The following MPPED1 variants were observed in gnomAD, a reference collection of about 807,000 sequenced individuals.
MPPED1 encodes the protein metallophosphoesterase domain containing 1.
In MPPED1, 16 loss-of-function variants were observed where a neutral mutation model predicts 36.2. The observed-to-expected ratio is 0.44, with a 90% CI of 0.30 to 0.67. The LOEUF (loss-of-function observed/expected upper bound fraction) is 0.67. Among genes scored for constraint, MPPED1 ranks in the 30% least tolerant of loss-of-function variants. The probability of loss-of-function intolerance (pLI) is 0.10; values close to 1 mark genes in which losing one functional copy is unlikely to be tolerated. For missense variants in MPPED1, 307 were observed against 453.4 expected, an observed-to-expected ratio of 0.68 and a Z score of 2.93; for synonymous variants, 199 against 191.3, an observed-to-expected ratio of 1.04 and a Z score of -0.33.
chr22:43,475,520 TGTGGTG>T (rs1195403215), intron 4 of MPPED1, among the ~76,000 whole-genome samples: 9 of 1,306 alleles, frequency 6.9e-3, no homozygotes, highest in Admixed American at 0.016. Flanking sequence ...TGATGATGGT[TGTGGTG>T]GTGGTGGTGG....
At chr22:43,483,918 C>T (rs1008389223) in intron 4 of MPPED1, among the ~76,000 whole-genome samples, 3 of 152,216 alleles carry the variant, frequency 2.0e-5, no homozygotes, top group Admixed American at 6.5e-5. Flanking sequence ...TCCTGCTGCC[C>T]GTGGCCAGTG....
intron 1 of MPPED1, among the ~76,000 whole-genome samples, chr22:43,421,664 A>G (rs916445034): frequency 2.6e-5 from 4 of 152,188 alleles, no homozygotes; most frequent in African/African-American, 9.7e-5. Flanking sequence ...GCACCAGGCA[A>G]AGTCTCCAGA....
intron 3 of MPPED1, among the ~76,000 whole-genome samples, chr22:43,469,875 GTATCCGTCTGTCTATAAACCATC>G (rs1290279259): frequency 2.0e-5 from 3 of 151,770 alleles, no homozygotes; most frequent in African/African-American, 4.8e-5. Context: ...ATGCATCTAT[GTATCCGTCTGTCTATAAACCATC>G]TATCCGTCCA....
intron 2 of MPPED1, among the ~76,000 whole-genome samples, chr22:43,425,709 C>T (rs1437027501): frequency 1.3e-5 from 2 of 152,264 alleles, no homozygotes; most frequent in African/African-American, 4.8e-5. Flanking sequence ...CAGGTTAGGA[C>T]ACCAGTCTTG....
intron 2 of MPPED1, among the ~76,000 whole-genome samples, chr22:43,434,164 G>A (rs1429806649): frequency 6.6e-6 from 1 of 152,244 alleles, no homozygotes; most frequent in Admixed American, 6.5e-5. Context: ...CATTTGTGCC[G>A]CTTTTTAAAA....
chr22:43,446,297 C>A (rs867511781), intron 3 of MPPED1, among the ~76,000 whole-genome samples: 1 of 152,186 alleles, frequency 6.6e-6, no homozygotes. Flanking sequence ...CTGCACTGGG[C>A]GTGATTCTAG....
intron 5 of MPPED1, among the ~76,000 whole-genome samples, chr22:43,501,113 C>T (rs1374113436): frequency 6.6e-6 from 1 of 152,190 alleles, no homozygotes; most frequent in African/African-American, 2.4e-5. Context: ...CAGCCTCACC[C>T]TCACAGGTGG....
At chr22:43,476,233 T>C (rs1228681709) in intron 4 of MPPED1, among the ~76,000 whole-genome samples, 1 of 152,142 alleles carries the variant, frequency 6.6e-6, no homozygotes, top group East Asian at 1.9e-4. Flanking sequence ...GTGGACAGAA[T>C]GAGCGGCCAC....
intron 2 of MPPED1, among the ~76,000 whole-genome samples, chr22:43,429,751 C>T (rs938532007): frequency 1.3e-5 from 2 of 151,980 alleles, no homozygotes; most frequent in Non-Finnish European, 1.5e-5. Context: ...AGAGTGAGAA[C>T]GGGACAGGCG....
At chr22:43,488,292 G>T (rs191756288) in intron 4 of MPPED1, among the ~76,000 whole-genome samples, 1 of 152,204 alleles carries the variant, frequency 6.6e-6, no homozygotes, top group Non-Finnish European at 1.5e-5. Flanking sequence ...CGCAGCCAGG[G>T]ATGGCTGTAC....
chr22:43,487,670 A>G (rs1330578730), intron 4 of MPPED1, among the ~76,000 whole-genome samples: 2 of 152,214 alleles, frequency 1.3e-5, no homozygotes, highest in East Asian at 1.9e-4. Context: ...ATCTTGGGAG[A>G]GGGAGAGCCT....
intron 5 of MPPED1, among the ~76,000 whole-genome samples, chr22:43,499,651 TGATGGGGGTGGC>T: frequency 9.1e-6 from 1 of 109,572 alleles, no homozygotes. Flanking sequence ...GTGGTGGTGG[TGATGGGGGTGGC>T]GGTGATGGGG....
At chr22:43,469,748 G>T (rs1436134946) in intron 3 of MPPED1, among the ~76,000 whole-genome samples, 1 of 152,188 alleles carries the variant, frequency 6.6e-6, no homozygotes, top group Non-Finnish European at 1.5e-5. Context: ...TTGAGGAGAA[G>T]GGGCGACACA....
chr22:43,418,080 T>G (rs1929137349), intron 1 of MPPED1: 1 of 456,162 alleles, frequency 2.2e-6, no homozygotes, highest in Non-Finnish European at 4.4e-6. Flanking sequence ...CCCCAGTGAT[T>G]GTTAAAGAGC....
chr22:43,429,936 G>A (rs1028530939), intron 2 of MPPED1, among the ~76,000 whole-genome samples: 1 of 152,190 alleles, frequency 6.6e-6, no homozygotes, highest in African/African-American at 2.4e-5. Context: ...ACAGGTGTGG[G>A]GATGCAGGAG....
chr22:43,492,796 G>C (rs183918945), intron 4 of MPPED1, among the ~76,000 whole-genome samples: 23 of 152,312 alleles, frequency 1.5e-4, no homozygotes, highest in African/African-American at 4.6e-4. Flanking sequence ...AGCTTGGCTG[G>C]TAGGGGACTG....
At chr22:43,470,720 C>T (rs545470904) in intron 3 of MPPED1, among the ~76,000 whole-genome samples, 3 of 152,360 alleles carry the variant, frequency 2.0e-5, no homozygotes, top group East Asian at 3.9e-4. Context: ...TGATTTGTCT[C>T]ATCTTAGGCA....
intron 4 of MPPED1, among the ~76,000 whole-genome samples, chr22:43,496,168 GGTGATGGTGGAGGTGGTGGTGGAGGTA>G (rs1932337830): frequency 5.4e-5 from 6 of 110,420 alleles, no homozygotes; most frequent in South Asian, 3.5e-4. Flanking sequence ...TGGTGGAGGT[GGTGATGGTGGAGGTGGTGGTGGAGGTA>G]GTGGTGGTGG....
intron 4 of MPPED1, among the ~76,000 whole-genome samples, chr22:43,493,524 G>T (rs1037575791): frequency 6.6e-6 from 1 of 152,240 alleles, no homozygotes; most frequent in Non-Finnish European, 1.5e-5. Flanking sequence ...GGTGGCGGGA[G>T]AGTGGTAGTG....
Sources: gnomAD v4.1 joint callset for allele counts (sites outside exome capture counted in the v4.1 genomes callset) on GRCh38, gnomAD v4.1.1 for gene constraint, MANE v1.5 for transcripts, NCBI Gene and HGNC (gene_info 2026-07-23, HGNC 2026-07-21) for gene names.